FBXO4: variants seen among roughly 807,000 people sequenced by gnomAD.
The protein encoded by FBXO4 is F-box only protein 4.
A neutral mutation model predicts 43.7 loss-of-function variants in FBXO4; 36 were observed. The ratio of observed to expected loss-of-function variants is 0.82; its 90% confidence interval spans 0.63 to 1.09. FBXO4 has a LOEUF of 1.09. Among genes scored for constraint, FBXO4 ranks in the 50% least tolerant of loss-of-function variants. The pLI is 0.00. For missense variants in FBXO4, 435 were observed against 474.1 expected, an observed-to-expected ratio of 0.92 and a Z score of 0.77; for synonymous variants, 180 against 165.6, an observed-to-expected ratio of 1.09 and a Z score of -0.67.
chr5:41,967,619 G>C, the FBXO4 span: 6 of 1,067,284 alleles, frequency 5.6e-6, no homozygotes, highest in South Asian at 1.3e-5. Flanking sequence ...CTTCCCTAGG[G>C]TTGGAATGCC....
chr5:42,014,335 C>G, the FBXO4 span, among the ~76,000 whole-genome samples: 4 of 152,092 alleles, frequency 2.6e-5, no homozygotes, highest in African/African-American at 7.2e-5. Context: ...GGAATTTATA[C>G]TATAAGAACA....
the FBXO4 span, among the ~76,000 whole-genome samples, chr5:41,973,379 C>T: frequency 6.6e-6 from 1 of 152,082 alleles, no homozygotes; most frequent in Admixed American, 6.6e-5. Context: ...TATTATCTCA[C>T]AACAATCAGA....
chr5:42,036,390 T>C, the FBXO4 span, among the ~76,000 whole-genome samples: 2 of 152,158 alleles, frequency 1.3e-5, no homozygotes, highest in Non-Finnish European at 2.9e-5. Context: ...TCCTGCTACC[T>C]GTTTTGATAA....
At chr5:42,014,281 A>C in the FBXO4 span, among the ~76,000 whole-genome samples, 1 of 152,172 alleles carries the variant, frequency 6.6e-6, no homozygotes, top group South Asian at 2.1e-4. Flanking sequence ...ATTTAGATTG[A>C]TTATCTACTT....
At chr5:41,964,825 C>T in the FBXO4 span, among the ~76,000 whole-genome samples, 1 of 152,038 alleles carries the variant, frequency 6.6e-6, no homozygotes, top group Admixed American at 6.6e-5. Context: ...TTCTCCCATT[C>T]TGTAGGTTGC....
At chr5:42,025,114 T>G in the FBXO4 span, among the ~76,000 whole-genome samples, 2,426 of 151,940 alleles carry the variant, frequency 0.016, 118 homozygotes, top group East Asian at 0.1. Flanking sequence ...TTTGTTTTGT[T>G]TTTTTAGAAG....
At chr5:41,985,243 C>T in the FBXO4 span, among the ~76,000 whole-genome samples, 8 of 152,130 alleles carry the variant, frequency 5.3e-5, no homozygotes, top group Admixed American at 4.6e-4. Context: ...GCATAATTCC[C>T]TTCATATTCT....
At chr5:42,009,377 G>A in the FBXO4 span, among the ~76,000 whole-genome samples, 1 of 14,168 alleles carries the variant, frequency 7.1e-5, no homozygotes, top group South Asian at 6.9e-3. Context: ...GTGTGTGTAT[G>A]TGTGTGTGTG....
chr5:42,030,333 C>G, the FBXO4 span, among the ~76,000 whole-genome samples: 5 of 152,028 alleles, frequency 3.3e-5, no homozygotes, highest in African/African-American at 1.2e-4. Context: ...CTTTGACAAA[C>G]CTGACAAAAA....
chr5:41,999,000 G>A, the FBXO4 span, among the ~76,000 whole-genome samples: 1 of 150,424 alleles, frequency 6.6e-6, no homozygotes, highest in Non-Finnish European at 1.5e-5. Flanking sequence ...GCTTCATTAC[G>A]TTCCTTGGTT....
the FBXO4 span, among the ~76,000 whole-genome samples, chr5:41,997,449 G>A: frequency 6.6e-6 from 1 of 152,156 alleles, no homozygotes; most frequent in Non-Finnish European, 1.5e-5. Flanking sequence ...AGCTGTAATA[G>A]CTTCCATTCA....
In FBXO4 at chr5:41,925,359, T is replaced by C; in HGVS notation, c.50T>C (p.Phe17Ser). 1 of 1,371,940 alleles carries C rather than the reference T, an allele frequency of 7.3e-7. No individual in the cohort carries two copies. The highest frequency in any genetic ancestry group is 9.4e-7 in the Non-Finnish European group (1 of 1,058,460). The allele number at this position is 1,371,940 out of a possible 1,614,324, so 85.0% of individuals were successfully genotyped here. A position where few individuals can be genotyped will look rare whatever the true frequency, so the allele number is the denominator to read the frequency against. ...GGAACAAACTCGCCGCCGCCGCCCT[T>C]CAGCGACTGGGGCCGCCTGGAGGCG... ...RSGTNSPPPP[F>S]SDWGRLEAAI... is the part of the protein sequence containing the mutation. The change falls in exon 1 of 7, where the codon TTC becomes TCC. Residue 17 changes from phenylalanine (F) to serine (S), a missense_variant. Transcript: ENST00000281623.
chr5:42,004,032 A>G, the FBXO4 span, among the ~76,000 whole-genome samples: 1 of 152,182 alleles, frequency 6.6e-6, no homozygotes, highest in South Asian at 2.1e-4. Context: ...ACACCGTGGA[A>G]TATTATGCAG....
the FBXO4 span, among the ~76,000 whole-genome samples, chr5:42,030,463 G>A: frequency 6.6e-6 from 1 of 151,784 alleles, no homozygotes; most frequent in African/African-American, 2.4e-5. Context: ...AATTCAAGAT[G>A]GATTAAAGAC....
At chr5:41,971,454 G>A in the FBXO4 span, among the ~76,000 whole-genome samples, 1 of 151,956 alleles carries the variant, frequency 6.6e-6, no homozygotes, top group South Asian at 2.1e-4. Context: ...TTTTAATGGA[G>A]TGTATTTCCT....
the FBXO4 span, among the ~76,000 whole-genome samples, chr5:42,025,670 G>C: frequency 6.6e-6 from 1 of 151,778 alleles, no homozygotes; most frequent in Admixed American, 6.6e-5. Context: ...GTTTCATAGT[G>C]TGAGGTCTTA....
chr5:41,998,299 G>A, the FBXO4 span, among the ~76,000 whole-genome samples: 1 of 152,172 alleles, frequency 6.6e-6, no homozygotes, highest in African/African-American at 2.4e-5. Flanking sequence ...GCAATTACAG[G>A]CGCCTTCAAA....
the FBXO4 span, among the ~76,000 whole-genome samples, chr5:41,994,295 T>G: frequency 5.9e-5 from 9 of 152,196 alleles, no homozygotes; most frequent in Non-Finnish European, 1.3e-4. Context: ...ATGAAGATAT[T>G]TCCTTAGTAC....
chr5:41,975,692 T>C, the FBXO4 span, among the ~76,000 whole-genome samples: 1 of 152,214 alleles, frequency 6.6e-6, no homozygotes, highest in African/African-American at 2.4e-5. Context: ...ATTCATAACA[T>C]AAAATTTAAC....
Sources: gnomAD v4.1 joint callset for allele counts (sites outside exome capture counted in the v4.1 genomes callset) on GRCh38, gnomAD v4.1.1 for gene constraint, MANE v1.5 for transcripts, NCBI Gene and HGNC (gene_info 2026-07-23, HGNC 2026-07-21) for gene names.